Variants in SUMF1 observed in about 807,000 individuals in gnomAD.
SUMF1 encodes the protein sulfatase modifying factor 1, also known as formylglycine-generating enzyme.
SUMF1 carries 48 observed loss-of-function variants against 47.6 expected under a neutral mutation model. The observed-to-expected ratio is 1.01, with a 90% CI of 0.80 to 1.28. The LOEUF (loss-of-function observed/expected upper bound fraction) is 1.28. Ranked by LOEUF, SUMF1 falls within the 50% of genes most tolerant of loss-of-function variation. The pLI, the probability that SUMF1 is intolerant of heterozygous loss-of-function variation, is 0.00. For missense variants in SUMF1, 571 were observed against 485.4 expected, an observed-to-expected ratio of 1.18 and a Z score of -1.66; for synonymous variants, 230 against 192.1, an observed-to-expected ratio of 1.20 and a Z score of -1.63.
At chr3:4,210,886 A>C (rs1695765124) in intron 8 of SUMF1, among the ~76,000 whole-genome samples, 1 of 151,702 alleles carries the variant, frequency 6.6e-6, no homozygotes, top group South Asian at 2.1e-4. Context: ...CTGCCAATAC[A>C]GCCAGGATAT....
At chr3:4,136,705 T>A in intron 8 of SUMF1, among the ~76,000 whole-genome samples, 2 of 146,888 alleles carry the variant, frequency 1.4e-5, no homozygotes, top group Non-Finnish European at 3.0e-5. Flanking sequence ...TGGGAGAAAA[T>A]TTTTGCAATC....
intron 8 of SUMF1, among the ~76,000 whole-genome samples, chr3:4,364,018 G>C (rs573648348): frequency 2.3e-4 from 30 of 133,310 alleles, no homozygotes; most frequent in African/African-American, 7.1e-4. Context: ...TTATATGCTG[G>C]ATTACATTTA....
intron 8 of SUMF1, among the ~76,000 whole-genome samples, chr3:4,180,680 CTT>C (rs1394624578): frequency 3.2e-3 from 29 of 9,144 alleles, no homozygotes; most frequent in African/African-American, 0.011. Flanking sequence ...TACCCTAGAA[CTT>C]AACACACACA....
At chr3:4,250,680 T>A (rs1575019436) in intron 8 of SUMF1, among the ~76,000 whole-genome samples, 1 of 152,168 alleles carries the variant, frequency 6.6e-6, no homozygotes, top group East Asian at 1.9e-4. Context: ...TTGGAGCCAG[T>A]GCTCATTGAC....
Position 4,125,422 on chromosome 3 carries a change from G to A in SUMF1, c.1015-56677C>T, listed in dbSNP as rs141756544. Among the ~76,000 whole-genome samples the A allele has an allele frequency of 1.5e-4, 23 of 152,204 alleles. No homozygotes were observed. In the East Asian group the frequency reaches 4.4e-3, roughly 29 times the overall value. On this transcript the variant is annotated intron_variant and NMD_transcript_variant, in intron 8 of 12. Coordinates refer to the SUMF1 transcript ENST00000448413. The stretch of plus-strand genomic sequence containing the variant: ...ACAAAGCACTAAAATAAATGTTTCA[G>A]TCATTCAACTGAATATTCCAATAGA...
chr3:4,350,363 GTGTGTA>G, intron 8 of SUMF1, among the ~76,000 whole-genome samples: 1 of 149,562 alleles, frequency 6.7e-6, no homozygotes, highest in Non-Finnish European at 1.5e-5. Flanking sequence ...GTATAATTGT[GTGTGTA>G]TAATTGTGTG....
At chr3:4,064,680 A>G (rs1407721713) in intron 9 of SUMF1, among the ~76,000 whole-genome samples, 4 of 152,130 alleles carry the variant, frequency 2.6e-5, no homozygotes, top group Non-Finnish European at 5.9e-5. Context: ...CAGCCTGATA[A>G]CAGGAGAATG....
downstream of SUMF1, among the ~76,000 whole-genome samples, chr3:4,358,128 T>C (rs985284349): frequency 1.1e-4 from 16 of 152,096 alleles, no homozygotes; most frequent in African/African-American, 3.1e-4. Context: ...AGGTCCCTCC[T>C]GATTACCACC....
chr3:4,292,380 CAT>C (rs1242956846), intron 8 of SUMF1, among the ~76,000 whole-genome samples: 4 of 152,296 alleles, frequency 2.6e-5, no homozygotes, highest in Non-Finnish European at 4.4e-5. Context: ...TACCCAAGAA[CAT>C]ATGGCTGATG....
intron 8 of SUMF1, among the ~76,000 whole-genome samples, chr3:4,206,364 C>T (rs1026782515): frequency 5.9e-5 from 9 of 152,030 alleles, no homozygotes; most frequent in Non-Finnish European, 1.2e-4. Flanking sequence ...CCTAGACTGC[C>T]TTTCAAATTT....
chr3:4,247,331 A>G (rs894854567), intron 8 of SUMF1, among the ~76,000 whole-genome samples: 2 of 152,222 alleles, frequency 1.3e-5, no homozygotes, highest in Non-Finnish European at 2.9e-5. Flanking sequence ...CAAGAACAGC[A>G]AAAACCATTA....
chr3:4,269,929 T>C (rs1697271119), intron 8 of SUMF1, among the ~76,000 whole-genome samples: 1 of 152,168 alleles, frequency 6.6e-6, no homozygotes, highest in South Asian at 2.1e-4. Context: ...AGGGAACTTT[T>C]TGAAGGTGAA....
intron 8 of SUMF1, among the ~76,000 whole-genome samples, chr3:4,214,079 C>T (rs1695862146): frequency 6.6e-6 from 1 of 152,138 alleles, no homozygotes; most frequent in African/African-American, 2.4e-5. Flanking sequence ...ATCTACAGAA[C>T]TCTCCATACA....
chr3:4,143,631 T>C (rs1351971553), intron 8 of SUMF1, among the ~76,000 whole-genome samples: 1 of 152,124 alleles, frequency 6.6e-6, no homozygotes, highest in Non-Finnish European at 1.5e-5. Flanking sequence ...TGTAGACTAG[T>C]TGAATCTTGG....
chr3:4,284,456 G>GAGGAGGAGGAGGAGGAGA (rs761705058), intron 8 of SUMF1, among the ~76,000 whole-genome samples: 1 of 141,958 alleles, frequency 7.0e-6, no homozygotes, highest in Non-Finnish European at 1.6e-5. Context: ...GGAGGAGGAG[G>GAGGAGGAGGAGGAGGAGA]AGGAGGAGGA....
At position 4,236,423 on chromosome 3, in the gene SUMF1, T is replaced by G. The variant is rs552273438; in HGVS notation, c.1014+139907A>C. Among the ~76,000 whole-genome samples the G allele has an allele frequency of 8.8e-4, 134 of 152,154 alleles. 1 individual carries two copies. The highest frequency in any genetic ancestry group is 5.2e-3 in the Admixed American group (80 of 15,262). ...AAAGATAAATGCTTTTTCTAATGAC[T>G]GGGCCATTAGGAAAAGGGGGAAAAT... On this transcript the variant is annotated intron_variant and NMD_transcript_variant, in intron 8 of 12. Coordinates refer to the SUMF1 transcript ENST00000448413.
At chr3:4,131,407 G>A (rs1279192850) in intron 8 of SUMF1, among the ~76,000 whole-genome samples, 1 of 152,108 alleles carries the variant, frequency 6.6e-6, no homozygotes, top group Non-Finnish European at 1.5e-5. Context: ...ACTAGGCCCT[G>A]GTTCTCAAAT....
At chr3:4,276,374 ATAAC>A (rs1452967635) in intron 8 of SUMF1, among the ~76,000 whole-genome samples, 1 of 144,048 alleles carries the variant, frequency 6.9e-6, no homozygotes, top group Non-Finnish European at 1.6e-5. Context: ...TATTCAAAAT[ATAAC>A]TATCTTTTAC....
chr3:4,380,226 A>C (rs1700460228), intron 7 of SUMF1, among the ~76,000 whole-genome samples: 1 of 152,224 alleles, frequency 6.6e-6, no homozygotes, highest in Admixed American at 6.5e-5. Flanking sequence ...ACACCATGGA[A>C]TACTACACAG....
Sources: gnomAD v4.1 joint callset for allele counts (sites outside exome capture counted in the v4.1 genomes callset) on GRCh38, gnomAD v4.1.1 for gene constraint, MANE v1.5 for transcripts, NCBI Gene and HGNC (gene_info 2026-07-23, HGNC 2026-07-21) for gene names.